Variants in IGFL2 observed in about 807,000 individuals in gnomAD.
IGFL2 encodes the protein IGF like family member 2, also known as insulin growth factor-like family member 2.
In IGFL2, 7 loss-of-function variants were observed where a neutral mutation model predicts 13.9. That is an observed-to-expected ratio of 0.51 (90% CI 0.29 to 0.95). The LOEUF (loss-of-function observed/expected upper bound fraction) is 0.95, where lower values mean the gene tolerates loss of function less well. Ranked by LOEUF, IGFL2 falls within the 40% of genes least tolerant of loss-of-function variation. The probability of loss-of-function intolerance (pLI) is 0.08; values close to 1 mark genes in which losing one functional copy is unlikely to be tolerated. For synonymous variants in IGFL2, 55 were observed against 55.8 expected (o/e 0.99, Z 0.07); for missense variants, 138 against 147.8 (o/e 0.93, Z 0.34).
At chr19:46,148,467 C>T (rs1297271967) in intron 1 of IGFL2, among the ~76,000 whole-genome samples, 170 bp downstream of exon 1, 1 of 152,144 alleles carries the variant, frequency 6.6e-6, no homozygotes, top group Non-Finnish European at 1.5e-5. Flanking sequence ...CTGCAAATTC[C>T]AGAAGCTTAA....
At chr19:46,163,358 T>C (rs1974248857), downstream of IGFL2, among the ~76,000 whole-genome samples, 1 of 152,180 alleles carries the variant, frequency 6.6e-6, no homozygotes, top group African/African-American at 2.4e-5. Context: ...GGTTGTTTGC[T>C]TGTCTCCTGG....
At chr19:46,199,593 C>T in the IGFL2 span, among the ~76,000 whole-genome samples, 1 of 152,228 alleles carries the variant, frequency 6.6e-6, no homozygotes, top group South Asian at 2.1e-4. Flanking sequence ...CCTCCACTGT[C>T]TCACCCCAGG....
chr19:46,110,785 TTGTC>T, the IGFL2 span, among the ~76,000 whole-genome samples: 1 of 152,194 alleles, frequency 6.6e-6, no homozygotes, highest in East Asian at 1.9e-4. Flanking sequence ...TCATTACTAT[TTGTC>T]TGTTTTCCAA....
chr19:46,187,518 G>A, the IGFL2 span, among the ~76,000 whole-genome samples: 1 of 136,834 alleles, frequency 7.3e-6, no homozygotes, highest in Admixed American at 7.1e-5. Context: ...TGTGCTACCT[G>A]ATCAGAGATG....
At chr19:46,120,761 G>A in the IGFL2 span, among the ~76,000 whole-genome samples, 1 of 150,792 alleles carries the variant, frequency 6.6e-6, no homozygotes, top group African/African-American at 2.5e-5. Context: ...ATAGCATGAT[G>A]CATATAGTAA....
At chr19:46,082,246 T>C in the IGFL2 span, among the ~76,000 whole-genome samples, 1 of 152,234 alleles carries the variant, frequency 6.6e-6, no homozygotes, top group Admixed American at 6.5e-5. Context: ...TATTTACTAT[T>C]ACTACTATCA....
the IGFL2 span, among the ~76,000 whole-genome samples, chr19:46,105,973 A>G: frequency 6.6e-6 from 1 of 152,026 alleles, no homozygotes; most frequent in South Asian, 2.1e-4. Flanking sequence ...GGGAATGGGG[A>G]AAGGATTTAG....
At chr19:46,136,694 A>G in the IGFL2 span, 1 of 482,494 alleles carries the variant, frequency 2.1e-6, no homozygotes. Context: ...ATCTCTTGCC[A>G]TCACCCCAGA....
chr19:46,130,923 T>A, the IGFL2 span, among the ~76,000 whole-genome samples: 347 of 152,292 alleles, frequency 2.3e-3, 2 homozygotes, highest in African/African-American at 7.9e-3. Flanking sequence ...TGAGATATTT[T>A]AAATTTTTAT....
In IGFL2 at chr19:46,160,747, C is replaced by T. The variant is rs778657954; in HGVS notation, c.207C>T (p.Pro69=). The change falls in exon 3 of 4, where the codon CCC becomes CCT. Residue 69 remains proline (P), a synonymous_variant. Transcript: ENST00000377693. ...GCGAGACCCGCCAATGTGGTCCCCC[C>T]TGCACCTTCTGGCCCTGCTTTGAGC... ...SLSETRQCGP[P]CTFWPCFELC... 86 of 1,614,108 alleles carry T rather than the reference C, an allele frequency of 5.3e-5. No individual in the cohort carries two copies. The highest frequency in any genetic ancestry group is 1.6e-4 in the Middle Eastern group (1 of 6,084).
the IGFL2 span, among the ~76,000 whole-genome samples, chr19:46,078,545 T>C: frequency 6.6e-6 from 1 of 152,244 alleles, no homozygotes; most frequent in African/African-American, 2.4e-5. Context: ...CCTGCTCCTG[T>C]ATTACCTAAA....
the IGFL2 span, among the ~76,000 whole-genome samples, chr19:46,098,593 G>A: frequency 1.3e-4 from 19 of 150,912 alleles, no homozygotes; most frequent in East Asian, 2.2e-3. Context: ...ATTCTCCTGC[G>A]TCAGCCTCCC....
chr19:46,160,692 G>T lies in IGFL2; in HGVS notation c.152G>T (p.Cys51Phe), dbSNP rs773780936. The T allele has an allele frequency of 6.2e-7, 1 of 1,614,150 alleles. No homozygotes were observed. The highest frequency in any genetic ancestry group is 1.1e-5 in the South Asian group (1 of 91,078). ...AAGATCTACAACCCCTTGGAGCAGT[G>T]CTGTTACAATGACGCCATCGTGTCC... ...GDKIYNPLEQ[C>F]CYNDAIVSLS... Residue 51 changes from cysteine (C) to phenylalanine (F), a missense_variant, in exon 3 of 4, where the codon TGC (cysteine) becomes TTC (phenylalanine). By Grantham distance (205) the Cys-to-Phe change is radical (BLOSUM62 -2). Transcript: ENST00000377693.
At chr19:46,148,619 A>G (rs1423066634) in intron 1 of IGFL2, among the ~76,000 whole-genome samples, 2 of 152,162 alleles carry the variant, frequency 1.3e-5, no homozygotes, top group Non-Finnish European at 2.9e-5. Flanking sequence ...CCCCATGATC[A>G]TGATCTGGTG....
At chr19:46,133,755 C>G in the IGFL2 span, among the ~76,000 whole-genome samples, 3 of 152,204 alleles carry the variant, frequency 2.0e-5, no homozygotes, top group Non-Finnish European at 2.9e-5. Context: ...GGAGGAAAGT[C>G]CCTCTGAAGA....
downstream of IGFL2, chr19:46,161,318 C>CT (rs71175262): frequency 0.11 from 26,826 of 238,268 alleles, 698 homozygotes; most frequent in Non-Finnish European, 0.13. Flanking sequence ...CGTCTCCTTT[C>CT]TTTTTTTTTT....
the IGFL2 span, among the ~76,000 whole-genome samples, chr19:46,100,745 A>G: frequency 6.6e-6 from 1 of 152,198 alleles, no homozygotes; most frequent in Admixed American, 6.5e-5. Flanking sequence ...GTGGGAGGCA[A>G]GTTTGCATGA....
chr19:46,129,136 G>A, the IGFL2 span, among the ~76,000 whole-genome samples: 1 of 152,174 alleles, frequency 6.6e-6, no homozygotes, highest in African/African-American at 2.4e-5. Context: ...GCATAGAGGT[G>A]TTGATAATAT....
chr19:46,190,860 T>A, the IGFL2 span, among the ~76,000 whole-genome samples: 4 of 152,048 alleles, frequency 2.6e-5, no homozygotes, highest in African/African-American at 9.7e-5. Context: ...GAAAAGACAA[T>A]CCCTGAGACT....
Sources: gnomAD v4.1 joint callset for allele counts (sites outside exome capture counted in the v4.1 genomes callset) on GRCh38, gnomAD v4.1.1 for gene constraint, MANE v1.5 for transcripts, NCBI Gene and HGNC (gene_info 2026-07-23, HGNC 2026-07-21) for gene names.